IPO8: variants seen among roughly 807,000 people sequenced by gnomAD.
IPO8 encodes the protein importin 8.
Under a neutral mutation model 141.2 loss-of-function variants are expected in IPO8, and 65 were observed. That is an observed-to-expected ratio of 0.46 (90% CI 0.38 to 0.57). The LOEUF (loss-of-function observed/expected upper bound fraction) is 0.57, where lower values mean the gene tolerates loss of function less well. IPO8 is among the 20% of genes least tolerant of loss of function. IPO8 has a pLI of 0.00. For missense variants in IPO8, 980 were observed against 1,246.8 expected, an observed-to-expected ratio of 0.79 and a Z score of 3.22; for synonymous variants, 411 against 420.3, an observed-to-expected ratio of 0.98 and a Z score of 0.27.
intron 6 of IPO8, among the ~76,000 whole-genome samples, chr12:30,676,181 C>T (rs1406056089): frequency 6.6e-6 from 1 of 152,070 alleles, no homozygotes; most frequent in Non-Finnish European, 1.5e-5. Context: ...CCAGCTTGGC[C>T]TCCCAAAGTG....
intron 16 of IPO8, among the ~76,000 whole-genome samples, chr12:30,660,271 G>A (rs939081988): frequency 6.6e-6 from 1 of 152,130 alleles, no homozygotes; most frequent in South Asian, 2.1e-4. Context: ...CTTCCTAAGT[G>A]CTCACCTTGT....
At chr12:30,681,618 T>C (rs760844347) in intron 4 of IPO8, 41 bp downstream of exon 4, 11 of 1,578,502 alleles carry the variant, frequency 7.0e-6, no homozygotes, top group Non-Finnish European at 9.5e-6. Flanking sequence ...ATTTCTAAGT[T>C]ACACAAGGCT....
At chr12:30,638,298 C>T (rs2052529655) in intron 21 of IPO8, among the ~76,000 whole-genome samples, 1 of 152,186 alleles carries the variant, frequency 6.6e-6, no homozygotes, top group South Asian at 2.1e-4. Flanking sequence ...ATAGTATGTT[C>T]TTCCCTTCAA....
At chr12:30,632,707 C>T (rs538934689) in intron 23 of IPO8, among the ~76,000 whole-genome samples, 27 of 152,328 alleles carry the variant, frequency 1.8e-4, no homozygotes, top group African/African-American at 6.0e-4. Context: ...ACCTCTAACA[C>T]TTGGCTCCCA....
At chr12:30,677,120 C>A in intron 5 of IPO8, 3 of 1,476,416 alleles carry the variant, frequency 2.0e-6, no homozygotes, top group Non-Finnish European at 2.7e-6. Context: ...CTACATGCTA[C>A]AGACATAATA....
intron 23 of IPO8, among the ~76,000 whole-genome samples, chr12:30,632,235 T>C (rs1232394269): frequency 6.6e-6 from 1 of 152,192 alleles, no homozygotes; most frequent in Non-Finnish European, 1.5e-5. Context: ...GGTTAGGACA[T>C]TGCAAATCTC....
chr12:30,652,140 C>A, intron 19 of IPO8, 52 bp downstream of exon 19: 1 of 1,000,726 alleles, frequency 1.0e-6, no homozygotes. Flanking sequence ...TGAAGCAAAA[C>A]AGGCAAACAT....
At chr12:30,684,482 G>A in intron 2 of IPO8, 25 bp from the exon 3 acceptor site, 1 of 1,611,026 alleles carries the variant, frequency 6.2e-7, no homozygotes, top group Non-Finnish European at 8.5e-7. Flanking sequence ...AAATGCTAAT[G>A]TAGCAGTACC....
intron 20 of IPO8, among the ~76,000 whole-genome samples, chr12:30,640,933 A>G (rs1214093980): frequency 6.6e-6 from 1 of 152,214 alleles, no homozygotes; most frequent in African/African-American, 2.4e-5. Context: ...ATCACTACAC[A>G]TTGTATCAAA....
chr12:30,674,044 T>C lies in IPO8; in HGVS notation c.855A>G (p.Glu285=), dbSNP rs537534725. The C allele has an allele frequency of 1.9e-6, 3 of 1,591,750 alleles. No homozygotes were observed. In the South Asian group the frequency reaches 3.4e-5, roughly 18 times the overall value. The change falls in exon 8 of 25, where the codon GAA becomes GAG. Residue 285 remains glutamate, a synonymous_variant. Transcript: ENST00000256079. Reference sequence around the variant, plus strand: ...AAAAGAATTCAGAAAATTCAAAGTATTCTTTTGTGACATTTCCTGGGCTTC... The same window carrying C: ...AAAAGAATTCAGAAAATTCAAAGTACTCTTTTGTGACATTTCCTGGGCTTC... ...RYGSPGNVTK[E]YFEFSEFFLK... is the part of the protein sequence containing the mutation.
chr12:30,662,283 T>A, intron 15 of IPO8, 44 bp downstream of exon 15: 1 of 1,532,724 alleles, frequency 6.5e-7, no homozygotes, highest in African/African-American at 1.4e-5. Context: ...TTTAGATTAC[T>A]CAAGGTTTCT....
At chr12:30,666,072 T>C (rs2052960641) in intron 11 of IPO8, 103 bp downstream of exon 11, 3 of 814,244 alleles carry the variant, frequency 3.7e-6, no homozygotes, top group Admixed American at 6.0e-5. Flanking sequence ...TGACAAATTA[T>C]AACGAATAAC....
intron 20 of IPO8, among the ~76,000 whole-genome samples, chr12:30,642,545 A>AAT (rs146120716): frequency 7.3e-5 from 11 of 151,336 alleles, no homozygotes; most frequent in East Asian, 5.8e-4. Flanking sequence ...AATATCAATG[A>AAT]ATATATATAT....
intron 5 of IPO8, among the ~76,000 whole-genome samples, chr12:30,678,372 T>C (rs765706972): frequency 4.6e-5 from 7 of 152,102 alleles, no homozygotes; most frequent in East Asian, 3.9e-4. Context: ...TTAAAAAATA[T>C]CTTATACTGC....
rs201488715 is a variant in IPO8 at position 30,669,292 on chromosome 12, G to GAA, written c.1045-12_1045-11dup. Reference sequence around the variant, plus strand: ...CATCTTCAGAGATATTCTAAAATGAGAAAAAAAAAAAAACGTAACAAATGG... The same window carrying GAA: ...CATCTTCAGAGATATTCTAAAATGAGAAAAAAAAAAAAAAACGTAACAAATGG... On this transcript the variant is annotated splice_polypyrimidine_tract_variant and intron_variant, in intron 9 of 24. Transcript: ENST00000256079. 1.5e-3 allele frequency: 1,311 copies of GAA among 890,280 alleles called. No individual in the cohort carries two copies. Among genetic ancestry groups the GAA allele is most frequent in the South Asian group, 3.2e-3 (167 of 53,006 alleles). The allele number at this position is 890,280 out of a possible 1,614,324, so 55.1% of individuals were successfully genotyped here.
At chr12:30,636,602 TTAATG>T (rs2136124956) in intron 22 of IPO8, among the ~76,000 whole-genome samples, 1 of 152,318 alleles carries the variant, frequency 6.6e-6, no homozygotes, top group Non-Finnish European at 1.5e-5. Flanking sequence ...ACTTCAGCTC[TTAATG>T]TAATGATTCA....
chr12:30,630,863 G>C lies in IPO8; in HGVS notation c.3111C>G (p.Asn1037Lys), dbSNP rs774511173. 1 of 1,610,710 alleles carries C rather than the reference G, an allele frequency of 6.2e-7. No homozygotes were observed. Among genetic ancestry groups the C allele is most frequent in the Non-Finnish European group, 8.5e-7 (1 of 1,177,480 alleles). ...AFNFGTVPSN[N>K] Reference sequence around the variant, plus strand: ...TGGTCAGCTGATGTTCTTTCCTTCAGTTGTTGCTGGGCACAGTCCCAAAAT... The same window carrying C: ...TGGTCAGCTGATGTTCTTTCCTTCACTTGTTGCTGGGCACAGTCCCAAAAT... Residue 1037 changes from asparagine (N) to lysine (K), a missense_variant, in exon 25 of 25, where the codon AAC becomes AAG. By Grantham distance (94) the Asn-to-Lys change is moderately conservative (BLOSUM62 0). Around this residue, in one of 3 missense-constraint regions of IPO8, gnomAD observed 924 missense variants for 1,153.9 expected, o/e 0.80. Transcript: ENST00000256079.
chr12:30,656,064 A>C (rs907603519), intron 17 of IPO8, among the ~76,000 whole-genome samples: 2 of 152,164 alleles, frequency 1.3e-5, no homozygotes, highest in East Asian at 3.8e-4. Flanking sequence ...TTGAGACAGG[A>C]TCTCACTCTG....
In IPO8 at chr12:30,681,721, T is replaced by C; in HGVS notation, c.420A>G (p.Ser140=). The C allele has an allele frequency of 6.2e-7, 1 of 1,613,812 alleles. No individual in the cohort carries two copies. The highest frequency in any genetic ancestry group is 2.2e-5 in the East Asian group (1 of 44,870). ...VVDKIDYYLQ[S]QSSASWLGSL... is the part of the protein sequence containing the mutation. ...TGCCAAGCCAGCTTGCACTGCTCTG[T>C]GATTGCAAGTAATAGTCTATCTTGT... The change falls in exon 4 of 25, where the codon TCA becomes TCG. Residue 140 remains serine, a synonymous_variant. Transcript: ENST00000256079.
Sources: gnomAD v4.1 joint callset for allele counts (sites outside exome capture counted in the v4.1 genomes callset) on GRCh38, gnomAD v4.1.1 for gene constraint, gnomAD v4.1.1 regional missense constraint, MANE v1.5 for transcripts, NCBI Gene and HGNC (gene_info 2026-07-23, HGNC 2026-07-21) for gene names.